The following COL28A1 variants were observed in gnomAD, a reference collection of about 807,000 sequenced individuals.
COL28A1 encodes the protein collagen type XXVIII alpha 1 chain.
In COL28A1, 161 loss-of-function variants were observed where a neutral mutation model predicts 150.2. The ratio of observed to expected loss-of-function variants is 1.07; its 90% CI spans 0.94 to 1.22. The LOEUF is 1.22. Ranked by LOEUF, COL28A1 falls within the 50% of genes most tolerant of loss-of-function variation. The probability of loss-of-function intolerance (pLI) is 0.00; values close to 1 mark genes in which losing one functional copy is unlikely to be tolerated. For missense variants in COL28A1, 1,617 were observed against 1,388.3 expected (o/e 1.16, Z -2.62); for synonymous variants, 552 against 469.7 (o/e 1.18, Z -2.26).
chr7:7,456,091 G>T lies in COL28A1; in HGVS notation c.1324C>A (p.Pro442Thr), dbSNP rs1276287828. The T allele has an allele frequency of 6.2e-7, 1 of 1,613,652 alleles. No individual in the cohort carries two copies. The highest frequency in any genetic ancestry group is 8.5e-7 in the Non-Finnish European group (1 of 1,179,828). The change falls in exon 16 of 35, where the codon CCC becomes ACC. Residue 442 changes from proline (P) to threonine (T), a missense_variant. By Grantham distance (38) the Pro-to-Thr change is conservative (BLOSUM62 -1). Transcript: ENST00000399429. ...GEKGDIGPVGPQGPMGIPGIG... is the reference protein window; with the variant it reads ...GEKGDIGPVGTQGPMGIPGIG... ...CCAGGGATACCCATTGGTCCTTGGG[G>T]TCCCACAGGTCCTATATCCCCCTGC...
downstream of COL28A1, among the ~76,000 whole-genome samples, chr7:7,354,143 T>C (rs1017143388): frequency 1.2e-4 from 18 of 151,896 alleles, no homozygotes; most frequent in Admixed American, 8.5e-4. Context: ...CAGGCACCCA[T>C]CATGATGTAT....
chr7:7,373,181 A>G lies in COL28A1; in HGVS notation c.2725T>C (p.Ser909Pro). 6.2e-7 allele frequency: 1 copy of G among 1,614,134 alleles called. No homozygotes were observed. Among genetic ancestry groups the G allele is most frequent in the Non-Finnish European group, 8.5e-7 (1 of 1,180,016 alleles). Residue 909 changes from serine to proline, a missense_variant, in exon 32 of 35, where the codon TCT (serine) becomes CCT (proline). Transcript: ENST00000399429. This position sits in a 1 kb window ranked among gnomAD's most constrained non-coding sequence, Gnocchi z 4.1. ...ALVITDGQTD[S>P]RDKEKLTEVV... ...TCTGTCAGTTTCTCTTTATCACGAG[A>G]ATCTGTCTGTCCATCAGTGATGACC...
chr7:7,383,290 T>TGTG (rs1562512522), intron 27 of COL28A1, among the ~76,000 whole-genome samples: 3,265 of 122,528 alleles, frequency 0.027, 57 homozygotes, highest in Non-Finnish European at 0.032. Flanking sequence ...GTGTGTGTGT[T>TGTG]TTTTTTGAGA....
intron 18 of COL28A1, 27 bp from the exon 19 acceptor site, chr7:7,444,516 C>T: frequency 6.2e-7 from 1 of 1,607,588 alleles, no homozygotes; most frequent in South Asian, 1.1e-5. Context: ...TATTTTATTT[C>T]CCTAAAGTTC....
intron 11 of COL28A1, among the ~76,000 whole-genome samples, chr7:7,496,765 T>C (rs1780230960): frequency 6.6e-6 from 1 of 152,240 alleles, no homozygotes; most frequent in East Asian, 1.9e-4. Context: ...AACAATTTTA[T>C]CATATTTTCT....
In COL28A1 at chr7:7,490,650, G is replaced by A. The variant is rs766523527; in HGVS notation, c.1027-4C>T. 1 of 1,203,710 alleles carries A rather than the reference G, an allele frequency of 8.3e-7. No individual in the cohort carries two copies. The highest frequency in any genetic ancestry group is 1.7e-5 in the Admixed American group (1 of 59,068). 74.6% of individuals were successfully genotyped at this position (1,203,710 alleles called of 1,614,324 possible). On this transcript the variant is annotated splice_polypyrimidine_tract_variant and splice_region_variant and intron_variant, in intron 11 of 34. Transcript: ENST00000399429. ...GACCAGGAGGACCTGGCTCACCCTG[G>A]AGGAAGAAATAGTGACATCAGTTAT...
At chr7:7,362,720 CAAAA>C (rs1780734267) in intron 33 of COL28A1, among the ~76,000 whole-genome samples, 1 of 152,108 alleles carries the variant, frequency 6.6e-6, no homozygotes, top group African/African-American at 2.4e-5. Flanking sequence ...CAAGTGGAGA[CAAAA>C]CTGTGGATTA....
intron 27 of COL28A1, among the ~76,000 whole-genome samples, chr7:7,404,210 G>A (rs544454737): frequency 6.6e-6 from 1 of 152,206 alleles, no homozygotes; most frequent in African/African-American, 2.4e-5. Context: ...ACAAGGTGGG[G>A]GAGGGATTCT....
rs573078898 is a variant in COL28A1, at chr7:7,498,899, T to TAC, written c.1026+7113_1026+7114dup. 1.4e-3 allele frequency among the ~76,000 whole-genome samples: 208 copies of TAC among 152,000 alleles called. 1 individual carries two copies. The highest frequency in any genetic ancestry group is 4.6e-3 in the African/African-American group (192 of 41,452). On this transcript the variant is annotated intron_variant, in intron 11 of 34. Transcript: ENST00000399429. ...CCATCAGAGCTTTTACCTGACAATC[T>TAC]ACACACACACGCACACACACACACA... is the stretch of plus-strand genomic sequence containing the variant.
rs547020558 is a variant in COL28A1, at chr7:7,443,751, G to C, written c.1582-98C>G. ...CCTTTTATCATTAGTGGATTCAGCT[G>C]AGACTCTCCAAAACACACCATACCT... is the stretch of plus-strand genomic sequence containing the variant. On this transcript the variant is annotated intron_variant, in intron 19 of 34. Transcript: ENST00000399429. 10 of 1,514,100 alleles carry C rather than the reference G, an allele frequency of 6.6e-6. No individual in the cohort carries two copies. The African/African-American group carries it at 1.4e-4, about 21-fold the overall frequency. The allele number at this position is 1,514,100 out of a possible 1,614,324, so 93.8% of individuals were successfully genotyped here.
the COL28A1 span, among the ~76,000 whole-genome samples, chr7:7,542,602 T>C: frequency 1.2e-4 from 18 of 152,230 alleles, no homozygotes; most frequent in African/African-American, 4.3e-4. Flanking sequence ...GATATGGAAG[T>C]TGGAAGTGCA....
intron 11 of COL28A1, among the ~76,000 whole-genome samples, chr7:7,500,562 C>G (rs79261745): frequency 7.9e-5 from 12 of 152,286 alleles, no homozygotes; most frequent in African/African-American, 2.9e-4. Flanking sequence ...AGGAGAGAAA[C>G]TTGATTAGCA....
intron 27 of COL28A1, among the ~76,000 whole-genome samples, chr7:7,416,805 C>CT (rs1215452691): frequency 6.6e-6 from 1 of 152,104 alleles, no homozygotes; most frequent in Non-Finnish European, 1.5e-5. Context: ...AGCTTACTCT[C>CT]TCTACACAGA....
In COL28A1 at chr7:7,487,491, T is replaced by C. The variant is rs573011987; in HGVS notation, c.1164+1898A>G. Reference sequence around the variant, plus strand: ...TACTCGGGAGGCTGAGGCAGGAGAATCATGTGAACCTGGGAGGCAGAGGCT... The same window carrying C: ...TACTCGGGAGGCTGAGGCAGGAGAACCATGTGAACCTGGGAGGCAGAGGCT... On this transcript the variant is annotated intron_variant, in intron 13 of 34. Coordinates refer to ENST00000399429, the MANE Select transcript of COL28A1 (RefSeq NM_001037763.3). Among the ~76,000 whole-genome samples, 174 of 152,134 alleles carry C rather than the reference T, an allele frequency of 1.1e-3. 1 individual carries two copies. Among genetic ancestry groups the C allele is most frequent in the African/African-American group, 3.9e-3 (163 of 41,494 alleles).
chr7:7,493,664 C>A (rs929378), intron 11 of COL28A1, among the ~76,000 whole-genome samples: 17,414 of 152,110 alleles, frequency 0.11, 1,068 homozygotes, highest in Middle Eastern at 0.21. Flanking sequence ...ATTCCCTTCC[C>A]ATTTCCCCTT....
intron 33 of COL28A1, among the ~76,000 whole-genome samples, chr7:7,364,115 G>A (rs1011082363): frequency 6.6e-6 from 1 of 152,208 alleles, no homozygotes; most frequent in South Asian, 2.1e-4. Flanking sequence ...AACCCAGTCA[G>A]TACTGATTCT....
chr7:7,370,584 G>C (rs375307316), intron 33 of COL28A1, 141 bp downstream of exon 33: 36 of 517,752 alleles, frequency 7.0e-5, no homozygotes, highest in East Asian at 3.4e-4. Flanking sequence ...CTAGAGTCAA[G>C]ATACTAACAT....
chr7:7,445,318 C>T (rs187807357), intron 18 of COL28A1, among the ~76,000 whole-genome samples: 30 of 152,232 alleles, frequency 2.0e-4, no homozygotes, highest in East Asian at 5.8e-4. Flanking sequence ...CTGGAGTGAG[C>T]GTCTGCTAGG....
chr7:7,464,562 C>G (rs944754018), intron 15 of COL28A1, among the ~76,000 whole-genome samples: 2 of 152,174 alleles, frequency 1.3e-5, no homozygotes, highest in African/African-American at 4.8e-5. Context: ...CCTGAAAGAT[C>G]ACTGGGTCAA....
Sources: allele counts gnomAD v4.1 joint callset (sites outside exome capture counted in the v4.1 genomes callset), GRCh38; gene constraint gnomAD v4.1.1; non-coding constraint Gnocchi (gnomAD v3.1); transcripts MANE v1.5; gene names NCBI Gene and HGNC (gene_info 2026-07-23, HGNC 2026-07-21).